The following AP2A2 variants were observed in gnomAD, a reference collection of about 807,000 sequenced individuals.
AP2A2 encodes the protein adaptor related protein complex 2 subunit alpha 2.
A neutral mutation model predicts 104.2 loss-of-function variants in AP2A2; 32 were observed. The observed-to-expected ratio is 0.31, with a 90% CI of 0.23 to 0.41. The LOEUF (loss-of-function observed/expected upper bound fraction) is 0.41, where lower values mean the gene tolerates loss of function less well. Among genes scored for constraint, AP2A2 ranks in the 10% least tolerant of loss-of-function variants. The pLI is 1.00. For missense variants in AP2A2, 912 were observed against 1,261.0 expected (o/e 0.72, Z 4.19); for synonymous variants, 539 against 533.3 (o/e 1.01, Z -0.15).
intron 5 of AP2A2, among the ~76,000 whole-genome samples, chr11:978,944 C>T (rs982644840): frequency 2.6e-5 from 4 of 151,942 alleles, no homozygotes; most frequent in Non-Finnish European, 5.9e-5. Context: ...GGCACCGTGC[C>T]GAGCCTTGGG....
intron 1 of AP2A2, among the ~76,000 whole-genome samples, chr11:948,065 A>T (rs571925534): frequency 6.6e-6 from 1 of 152,340 alleles, no homozygotes; most frequent in South Asian, 2.1e-4. Flanking sequence ...TACCTACATT[A>T]AAAAAGATCT....
chr11:949,342 T>C (rs1853957981), intron 1 of AP2A2, among the ~76,000 whole-genome samples: 2 of 152,146 alleles, frequency 1.3e-5, no homozygotes, highest in South Asian at 4.1e-4. Context: ...CTTAACTCAT[T>C]CTATAAGGCC....
intron 4 of AP2A2, among the ~76,000 whole-genome samples, chr11:973,448 A>G (rs1854902826): frequency 6.6e-6 from 1 of 152,130 alleles, no homozygotes; most frequent in African/African-American, 2.4e-5. Flanking sequence ...GCTGGCAGAG[A>G]GACCGCAGCA....
At chr11:976,746 C>T (rs942516298) in intron 4 of AP2A2, among the ~76,000 whole-genome samples, 6 of 152,216 alleles carry the variant, frequency 3.9e-5, no homozygotes, top group South Asian at 2.1e-4. Flanking sequence ...AGCTCCATGG[C>T]GGTGCAGGGC....
intron 1 of AP2A2, among the ~76,000 whole-genome samples, chr11:957,468 A>G (rs1026186806): frequency 2.0e-5 from 3 of 152,154 alleles, no homozygotes; most frequent in Admixed American, 1.3e-4. Context: ...CCCCTTCAGA[A>G]ATGTGGGTCT....
At chr11:980,683 G>C (rs772479631) in intron 5 of AP2A2, among the ~76,000 whole-genome samples, 1 of 152,254 alleles carries the variant, frequency 6.6e-6, no homozygotes, top group Non-Finnish European at 1.5e-5. Flanking sequence ...TCCAGCCTAT[G>C]GTGGTTGAGT....
At chr11:983,857 T>G (rs1855355387) in intron 6 of AP2A2, among the ~76,000 whole-genome samples, 2 of 152,234 alleles carry the variant, frequency 1.3e-5, no homozygotes, top group African/African-American at 4.8e-5. Context: ...CTGTGATTCT[T>G]GCCTTTTCCT....
At chr11:1,007,814 G>A (rs1036709686) in intron 17 of AP2A2, 198 bp from the exon 18 acceptor site, 9 of 676,924 alleles carry the variant, frequency 1.3e-5, no homozygotes, top group South Asian at 1.9e-5. Context: ...TTCTGGAAGC[G>A]TGAGAAGCAG....
At chr11:1,005,060 A>T (rs1856159707) in intron 16 of AP2A2, among the ~76,000 whole-genome samples, 1 of 152,224 alleles carries the variant, frequency 6.6e-6, no homozygotes, top group Non-Finnish European at 1.5e-5. Flanking sequence ...CACTATTCAC[A>T]ATCACCGAAA....
At chr11:954,235 GCACTTGGATTCCCACCT>G (rs1011462064) in intron 1 of AP2A2, among the ~76,000 whole-genome samples, 6 of 152,196 alleles carry the variant, frequency 3.9e-5, no homozygotes, top group Admixed American at 1.3e-4. Flanking sequence ...GTCAAAGGCT[GCACTTGGATTCCCACCT>G]CACTTGGATT....
At chr11:1,009,650 C>A (rs1856353571) in intron 20 of AP2A2, 33 bp from the exon 21 acceptor site, 1 of 1,542,698 alleles carries the variant, frequency 6.5e-7, no homozygotes, top group Non-Finnish European at 8.8e-7. Flanking sequence ...CGACCCCGCG[C>A]CAGGGTCCTC....
intron 4 of AP2A2, among the ~76,000 whole-genome samples, chr11:975,881 C>T (rs377380172): frequency 4.6e-5 from 7 of 152,140 alleles, no homozygotes; most frequent in South Asian, 2.1e-4. Context: ...GTGGGGCCCC[C>T]GTCCCCTTGG....
chr11:926,007 C>T lies in AP2A2; in HGVS notation c.-15C>T. 1 of 1,403,834 alleles carries T rather than the reference C, an allele frequency of 7.1e-7. No homozygotes were observed. Among genetic ancestry groups the T allele is most frequent in the Non-Finnish European group, 9.4e-7 (1 of 1,065,748 alleles). 87.0% of individuals were successfully genotyped at this position (1,403,834 alleles called of 1,614,324 possible). A position where few individuals can be genotyped will look rare whatever the true frequency, so the allele number is the denominator to read the frequency against. On this transcript the variant is annotated 5_prime_UTR_variant, in exon 1 of 22. Transcript: ENST00000448903. ...CCCGGGTCCGCCAGCCGAGGCCGCT[C>T]CCGAGCGTCGGAAGATGCCGGCCGT...
rs1193004202 is a variant in AP2A2, at chr11:1,011,336, C to A, written c.*711C>A. ...GGAGCGTCCTGCCGGCCCCGCAGGG[C>A]CCCCAGGACTCCAGGGTAAAGTGTG... On this transcript the variant is annotated 3_prime_UTR_variant, in exon 22 of 22. Transcript: ENST00000448903. 3.9e-6 allele frequency: 2 copies of A among 518,468 alleles called. No individual in the cohort carries two copies. The highest frequency in any genetic ancestry group is 7.7e-6 in the Non-Finnish European group (2 of 259,770). The allele number at this position is 518,468 out of a possible 1,614,324, so 32.1% of individuals were successfully genotyped here.
At chr11:972,537 G>A (rs890971485) in intron 4 of AP2A2, among the ~76,000 whole-genome samples, 4 of 152,130 alleles carry the variant, frequency 2.6e-5, no homozygotes, top group Non-Finnish European at 5.9e-5. Flanking sequence ...TCTACAAACA[G>A]TTTTAAAAAA....
chr11:960,635 C>G (rs534307049), intron 2 of AP2A2, among the ~76,000 whole-genome samples: 25 of 152,282 alleles, frequency 1.6e-4, no homozygotes, highest in African/African-American at 5.8e-4. Context: ...GCCTCAGCCT[C>G]CCAACATGCT....
At chr11:931,801 T>C (rs1156591865) in intron 1 of AP2A2, among the ~76,000 whole-genome samples, 1 of 147,436 alleles carries the variant, frequency 6.8e-6, no homozygotes, top group Non-Finnish European at 1.5e-5. Flanking sequence ...TTCCATTTCT[T>C]GTTTTTTTTT....
chr11:1,002,117 A>G (rs1463872080), intron 15 of AP2A2, among the ~76,000 whole-genome samples: 1 of 152,214 alleles, frequency 6.6e-6, no homozygotes, highest in Admixed American at 6.5e-5. Flanking sequence ...AAGCAGAGAT[A>G]CTGACCACAA....
At chr11:990,008 G>T (rs1045910220) in intron 10 of AP2A2, among the ~76,000 whole-genome samples, 2 of 152,230 alleles carry the variant, frequency 1.3e-5, no homozygotes, top group East Asian at 3.8e-4. Flanking sequence ...GTTGCTCTGG[G>T]CAGGTGTTGT....
Sources: allele counts gnomAD v4.1 joint callset (sites outside exome capture counted in the v4.1 genomes callset), GRCh38; gene constraint gnomAD v4.1.1; transcripts MANE v1.5; gene names NCBI Gene and HGNC (gene_info 2026-07-23, HGNC 2026-07-21).